SSBP3: variants seen among roughly 807,000 people sequenced by gnomAD.
SSBP3 encodes single-stranded DNA-binding protein 3.
SSBP3 carries 5 observed loss-of-function variants against 69.6 expected under a neutral mutation model. That is an observed-to-expected ratio of 0.07 (90% confidence interval 0.04 to 0.15). SSBP3 has a LOEUF of 0.15. SSBP3 is among the 10% of genes least tolerant of loss of function. The pLI is 1.00. For synonymous variants in SSBP3, 196 were observed against 193.4 expected (o/e 1.01, Z -0.11); for missense variants, 312 against 534.0 (o/e 0.58, Z 4.10).
intron 4 of SSBP3, among the ~76,000 whole-genome samples, chr1:54,309,121 C>T (rs754264442): frequency 6.6e-6 from 1 of 152,214 alleles, no homozygotes; most frequent in Non-Finnish European, 1.5e-5. Context: ...GCAAACGGAA[C>T]ACACCAATTT....
At chr1:54,248,743 C>T (rs575425584) in intron 9 of SSBP3, among the ~76,000 whole-genome samples, 2 of 152,156 alleles carry the variant, frequency 1.3e-5, no homozygotes, top group African/African-American at 2.4e-5. Flanking sequence ...CTTTCCTGAC[C>T]CCAGTGATGG....
intron 4 of SSBP3, among the ~76,000 whole-genome samples, chr1:54,383,701 G>A (rs1329185546): frequency 6.6e-6 from 1 of 152,078 alleles, no homozygotes; most frequent in Non-Finnish European, 1.5e-5. Context: ...ATCAGAAGTG[G>A]GCTATTTTCC....
chr1:54,236,025 C>G (rs1177072801), intron 14 of SSBP3, among the ~76,000 whole-genome samples: 5 of 152,218 alleles, frequency 3.3e-5, no homozygotes, highest in African/African-American at 1.2e-4. Flanking sequence ...GGCTGGCTAG[C>G]CCCATCTAGG....
Position 54,393,052 on chromosome 1 carries a change from G to A in SSBP3, c.276+8809C>T, listed in dbSNP as rs527446149. 3.3e-5 allele frequency among the ~76,000 whole-genome samples: 5 copies of A among 152,290 alleles called. No homozygotes were observed. The South Asian group carries it at 8.3e-4, about 25-fold the overall frequency. On this transcript the variant is annotated intron_variant, in intron 4 of 17. Coordinates refer to ENST00000610401, the Ensembl canonical transcript of SSBP3. The stretch of plus-strand genomic sequence containing the variant: ...CCTCTCAGGTGGTATGGTACCAAGC[G>A]GGAATCATGGTGAAGAGGCCAAAGT...
At chr1:54,245,517 T>C (rs1227442491) in intron 9 of SSBP3, among the ~76,000 whole-genome samples, 1 of 152,180 alleles carries the variant, frequency 6.6e-6, no homozygotes, top group Non-Finnish European at 1.5e-5. Flanking sequence ...AGGGATCATC[T>C]TCCAAATCTC....
exon 4 of SSBP3, chr1:54,401,918 A>T (rs1649331653): frequency 1.2e-6 from 2 of 1,614,172 alleles, no homozygotes. Context: ...TCCTTTCAGG[A>T]GCTGCACAGT....
chr1:54,329,646 G>A (rs1025996446), intron 4 of SSBP3, among the ~76,000 whole-genome samples: 5 of 152,240 alleles, frequency 3.3e-5, no homozygotes, highest in African/African-American at 9.6e-5. Flanking sequence ...ACCAGAAAAG[G>A]ACATTTTCCT....
At chr1:54,256,511 A>AC (rs1039349828) in intron 7 of SSBP3, among the ~76,000 whole-genome samples, 18 of 151,898 alleles carry the variant, frequency 1.2e-4, no homozygotes, top group South Asian at 1.0e-3. Flanking sequence ...AAGGCATATG[A>AC]CCCCAGGCAA....
chr1:54,233,901 A>C (rs1031154140), intron 14 of SSBP3, among the ~76,000 whole-genome samples: 4 of 152,258 alleles, frequency 2.6e-5, no homozygotes, highest in African/African-American at 9.6e-5. Flanking sequence ...GCTTTGTGGA[A>C]TAGAAAGGCG....
chr1:54,384,371 T>C (rs1647919381), intron 4 of SSBP3, among the ~76,000 whole-genome samples: 1 of 152,190 alleles, frequency 6.6e-6, no homozygotes, highest in Non-Finnish European at 1.5e-5. Flanking sequence ...CAGGGAACCA[T>C]TCAAATGCAC....
At chr1:54,333,994 T>C (rs984048232) in intron 4 of SSBP3, among the ~76,000 whole-genome samples, 1 of 152,224 alleles carries the variant, frequency 6.6e-6, no homozygotes, top group African/African-American at 2.4e-5. Flanking sequence ...AGTTTGAGGC[T>C]GCAGTGAGTT....
intron 4 of SSBP3, among the ~76,000 whole-genome samples, chr1:54,384,054 A>G (rs1480192319): frequency 6.8e-6 from 1 of 147,132 alleles, no homozygotes; most frequent in Admixed American, 7.0e-5. Context: ...TGCAGTGAGC[A>G]GAGATCGTGC....
At chr1:54,233,581 G>T (rs1218262873) in intron 14 of SSBP3, among the ~76,000 whole-genome samples, 5 of 147,978 alleles carry the variant, frequency 3.4e-5, no homozygotes, top group African/African-American at 1.3e-4. Context: ...CGTCGGGGAG[G>T]GAGGTGGGGG....
At chr1:54,270,863 T>G (rs1325768594) in intron 5 of SSBP3, among the ~76,000 whole-genome samples, 6 of 152,218 alleles carry the variant, frequency 3.9e-5, no homozygotes, top group African/African-American at 1.4e-4. Flanking sequence ...AGAGGTGAAC[T>G]GACTTTCTCG....
chr1:54,404,735 A>G (rs775560927), intron 2 of SSBP3, 98 bp from the exon 3 acceptor site: 1 of 1,428,840 alleles, frequency 7.0e-7, no homozygotes, highest in Non-Finnish European at 9.8e-7. Flanking sequence ...CTAACAATAA[A>G]TGCCAAAAGG....
At chr1:54,383,783 T>A (rs1415872160) in intron 4 of SSBP3, among the ~76,000 whole-genome samples, 1 of 152,106 alleles carries the variant, frequency 6.6e-6, no homozygotes. Context: ...ATCACATCCC[T>A]GTCCACCCAC....
At chr1:54,307,953 T>A (rs980590569) in intron 4 of SSBP3, among the ~76,000 whole-genome samples, 1 of 152,220 alleles carries the variant, frequency 6.6e-6, no homozygotes. Context: ...TTCCTTTACT[T>A]TCTTAATAAA....
chr1:54,372,390 C>T (rs1186237940), intron 4 of SSBP3, among the ~76,000 whole-genome samples: 2 of 149,938 alleles, frequency 1.3e-5, no homozygotes, highest in African/African-American at 2.4e-5. Flanking sequence ...TTCCCCTCCA[C>T]TTTCTTTCTC....
intron 5 of SSBP3, among the ~76,000 whole-genome samples, chr1:54,273,534 A>C (rs989468237): frequency 5.9e-5 from 9 of 152,202 alleles, no homozygotes; most frequent in African/African-American, 2.2e-4. Flanking sequence ...CCGGGCAGGG[A>C]AGGGAGCACA....
Sources: gnomAD v4.1 joint callset for allele counts (sites outside exome capture counted in the v4.1 genomes callset) on GRCh38, gnomAD v4.1.1 for gene constraint, MANE v1.5 for transcripts, NCBI Gene and HGNC (gene_info 2026-07-23, HGNC 2026-07-21) for gene names.